Variants in SYNDIG1 observed in about 807,000 individuals in gnomAD.
SYNDIG1 encodes synapse differentiation inducing 1, also known as synapse differentiation-inducing gene protein 1.
In SYNDIG1, 9 loss-of-function variants were observed where a neutral mutation model predicts 19.4. The ratio of observed to expected loss-of-function variants is 0.46; its 90% CI spans 0.28 to 0.81. SYNDIG1 has a LOEUF of 0.81. SYNDIG1 is among the 30% of genes least tolerant of loss of function. The pLI, the probability that SYNDIG1 is intolerant of heterozygous loss-of-function variation, is 0.12. For synonymous variants in SYNDIG1, 141 were observed against 145.9 expected (o/e 0.97, Z 0.24); for missense variants, 311 against 343.3 (o/e 0.91, Z 0.74).
At chr20:24,620,163 G>A (rs2147227703) in intron 3 of SYNDIG1, among the ~76,000 whole-genome samples, 1 of 152,298 alleles carries the variant, frequency 6.6e-6, no homozygotes, top group East Asian at 1.9e-4. Flanking sequence ...CCTGTTTTCT[G>A]ATAAACCTCA....
intron 1 of SYNDIG1, among the ~76,000 whole-genome samples, chr20:24,499,724 T>G (rs2056394153): frequency 6.6e-6 from 1 of 152,196 alleles, no homozygotes; most frequent in Non-Finnish European, 1.5e-5. Flanking sequence ...GGGTAGAGGC[T>G]GCTCACTGGT....
chr20:24,476,063 G>A lies in SYNDIG1; in HGVS notation c.-79+6310G>A, dbSNP rs1408941031. 2.6e-5 allele frequency among the ~76,000 whole-genome samples: 4 copies of A among 152,054 alleles called. No individual in the cohort carries two copies. The South Asian group carries it at 8.3e-4, about 32-fold the overall frequency. ...TTTAGTAGAGTCGTGGTTTCACCCT[G>A]TTGGCCAGGCTGGTCTTGAACTCCT... On this transcript the variant is annotated intron_variant, in intron 1 of 3. Transcript: ENST00000376862.
chr20:24,509,778 T>C (rs937295489), intron 1 of SYNDIG1, among the ~76,000 whole-genome samples: 1 of 152,248 alleles, frequency 6.6e-6, no homozygotes, highest in African/African-American at 2.4e-5. Flanking sequence ...TTATTTTTGA[T>C]TTCCTTAACG....
chr20:24,646,438 C>T (rs1185440781), intron 3 of SYNDIG1, among the ~76,000 whole-genome samples: 2 of 152,162 alleles, frequency 1.3e-5, no homozygotes, highest in East Asian at 3.8e-4. Context: ...AATTCCGTCC[C>T]TTGGGTGTGA....
chr20:24,575,653 A>G (rs950095621), intron 2 of SYNDIG1, among the ~76,000 whole-genome samples: 3 of 152,148 alleles, frequency 2.0e-5, no homozygotes, highest in East Asian at 1.9e-4. Context: ...GAAAAGTTTC[A>G]TATTTTATGC....
intron 2 of SYNDIG1, among the ~76,000 whole-genome samples, chr20:24,576,329 T>A (rs2058226936): frequency 6.6e-6 from 1 of 152,208 alleles, no homozygotes; most frequent in Non-Finnish European, 1.5e-5. Flanking sequence ...TTTTAGGAAT[T>A]AGAATAAAGA....
At chr20:24,509,051 A>C (rs919161507) in intron 1 of SYNDIG1, among the ~76,000 whole-genome samples, 4 of 152,224 alleles carry the variant, frequency 2.6e-5, no homozygotes, top group Admixed American at 1.3e-4. Context: ...ACCTCCCTGC[A>C]ATGAGCATTG....
chr20:24,664,623 A>T (rs577671583), intron 3 of SYNDIG1, among the ~76,000 whole-genome samples: 5 of 152,320 alleles, frequency 3.3e-5, no homozygotes, highest in Middle Eastern at 3.4e-3. Flanking sequence ...AAGAATCATG[A>T]ATTTGATTAC....
chr20:24,567,571 T>A (rs1385315579), intron 2 of SYNDIG1, among the ~76,000 whole-genome samples: 4 of 152,212 alleles, frequency 2.6e-5, no homozygotes, highest in Non-Finnish European at 5.9e-5. Flanking sequence ...ACCTGTGTGA[T>A]GTGGAACAGA....
chr20:24,474,562 C>A (rs2055561827), intron 1 of SYNDIG1, among the ~76,000 whole-genome samples: 1 of 152,186 alleles, frequency 6.6e-6, no homozygotes, highest in Admixed American at 6.5e-5. Flanking sequence ...GAGAGATGGG[C>A]CTTGCAATCC....
intron 1 of SYNDIG1, among the ~76,000 whole-genome samples, chr20:24,475,091 A>T (rs2055579729): frequency 6.6e-6 from 1 of 152,220 alleles, no homozygotes; most frequent in Non-Finnish European, 1.5e-5. Context: ...CATGAGTACA[A>T]TAGGCAGTTT....
intron 1 of SYNDIG1, among the ~76,000 whole-genome samples, chr20:24,508,885 C>T (rs868148956): frequency 2.6e-5 from 4 of 152,100 alleles, no homozygotes; most frequent in Non-Finnish European, 5.9e-5. Context: ...AAGATGAAAT[C>T]GAGGATGTTA....
rs1263053126 is a variant in SYNDIG1, at chr20:24,469,759, T to C, written c.-79+6T>C. 6.6e-6 allele frequency: 1 copy of C among 151,616 alleles called. No individual in the cohort carries two copies. Among genetic ancestry groups the C allele is most frequent in the Non-Finnish European group, 1.5e-5 (1 of 67,934 alleles). The allele number at this position is 151,616 out of a possible 1,614,324, so 9.4% of individuals were successfully genotyped here. A position where few individuals can be genotyped will look rare whatever the true frequency, so the allele number is the denominator to read the frequency against. On this transcript the variant is annotated splice_donor_region_variant and intron_variant, in intron 1 of 3. Coordinates refer to ENST00000376862, the MANE Select transcript of SYNDIG1 (RefSeq NM_024893.3). Reference sequence around the variant, plus strand: ...CGGGTCACCTTGTCCCGGAGGTAAGTCCAGACCTCCCGGCCGCGGGGGCGG... The same window carrying C: ...CGGGTCACCTTGTCCCGGAGGTAAGCCCAGACCTCCCGGCCGCGGGGGCGG...
rs547820599 is a variant in SYNDIG1, at chr20:24,555,437, C to T, written c.480+11860C>T. 9.9e-5 allele frequency among the ~76,000 whole-genome samples: 15 copies of T among 152,170 alleles called. No homozygotes were observed. The South Asian group carries it at 1.9e-3, about 19-fold the overall frequency. On this transcript the variant is annotated intron_variant, in intron 2 of 3. Transcript: ENST00000376862. ...GATCTTTCCTGCTTTCTCTTGTGGG[C>T]ATTTAATGCTATAAATTTCCCTCTA...
At chr20:24,522,174 A>C (rs935040805) in intron 1 of SYNDIG1, among the ~76,000 whole-genome samples, 1 of 152,134 alleles carries the variant, frequency 6.6e-6, no homozygotes, top group African/African-American at 2.4e-5. Flanking sequence ...CCCTGGGCTC[A>C]AGTGATCCTC....
intron 1 of SYNDIG1, among the ~76,000 whole-genome samples, chr20:24,536,118 T>C (rs1373787866): frequency 1.3e-5 from 2 of 152,172 alleles, no homozygotes; most frequent in Admixed American, 1.3e-4. Context: ...TGGGAGAGCC[T>C]GCAGTGCAGC....
At chr20:24,508,497 C>A (rs574776334) in intron 1 of SYNDIG1, among the ~76,000 whole-genome samples, 1 of 151,928 alleles carries the variant, frequency 6.6e-6, no homozygotes, top group Non-Finnish European at 1.5e-5. Context: ...GGATTACAGG[C>A]GTGAGCCACC....
chr20:24,541,116 AC>A (rs2057459611), intron 1 of SYNDIG1, among the ~76,000 whole-genome samples: 1 of 152,136 alleles, frequency 6.6e-6, no homozygotes, highest in Non-Finnish European at 1.5e-5. Flanking sequence ...TTGCTCAATC[AC>A]CCCATTAATA....
At chr20:24,538,818 T>A (rs1323399809) in intron 1 of SYNDIG1, among the ~76,000 whole-genome samples, 1 of 152,006 alleles carries the variant, frequency 6.6e-6, no homozygotes, top group Non-Finnish European at 1.5e-5. Flanking sequence ...TGAGGTCATA[T>A]CTCATATGTA....
Sources: gnomAD v4.1 joint callset for allele counts (sites outside exome capture counted in the v4.1 genomes callset) on GRCh38, gnomAD v4.1.1 for gene constraint, MANE v1.5 for transcripts, NCBI Gene and HGNC (gene_info 2026-07-23, HGNC 2026-07-21) for gene names.